The following ZNF749 variants were observed in gnomAD, a reference collection of about 807,000 sequenced individuals.
ZNF749 encodes zinc finger protein 749.
Under a neutral mutation model 7.3 loss-of-function variants are expected in ZNF749, and 8 were observed. The observed-to-expected ratio is 1.10, with a 90% CI of 0.64 to 1.98. ZNF749 has a LOEUF of 1.98. Among genes scored for constraint, ZNF749 ranks in the 30% most tolerant of loss-of-function variants. The pLI, the probability that ZNF749 is intolerant of heterozygous loss-of-function variation, is 0.00. For missense variants in ZNF749, 898 were observed against 932.4 expected (o/e 0.96, Z 0.48); for synonymous variants, 310 against 322.4 (o/e 0.96, Z 0.41).
intron 1 of ZNF749, among the ~76,000 whole-genome samples, chr19:57,437,464 G>A (rs1350599634): frequency 6.6e-6 from 1 of 152,136 alleles, no homozygotes; most frequent in Non-Finnish European, 1.5e-5. Flanking sequence ...AGTGGCTCAT[G>A]CCTGTAATCC....
In ZNF749 at chr19:57,442,020, T is replaced by C. The variant is rs755792612; in HGVS notation, c.142+9T>C. The stretch of plus-strand genomic sequence containing the variant: ...GCTTTTGTCATCAGTAGGTAAGGCC[T>C]TCATACCTACTCTGGTGTCTTGTGC... On this transcript the variant is annotated intron_variant, in intron 2 of 2. Coordinates refer to ENST00000334181, the MANE Select transcript of ZNF749 (RefSeq NM_001023561.4). This position sits in a 1 kb window ranked among gnomAD's most constrained non-coding sequence, Gnocchi z 6.6. The C allele has an allele frequency of 4.3e-6, 7 of 1,613,134 alleles. No individual in the cohort carries two copies. In the South Asian group the frequency reaches 5.5e-5, roughly 13 times the overall value.
chr19:57,438,104 C>G (rs967364361), intron 1 of ZNF749: 4 of 398,632 alleles, frequency 1.0e-5, no homozygotes, highest in African/African-American at 6.2e-5. Context: ...TGTTACAGGC[C>G]GAAAGAATGA....
upstream of ZNF749, among the ~76,000 whole-genome samples, chr19:57,430,533 A>G (rs1489979996): frequency 6.6e-6 from 1 of 152,224 alleles, no homozygotes; most frequent in African/African-American, 2.4e-5. Context: ...AAATTTCTCT[A>G]TGAACACATG....
chr19:57,430,393 A>C (rs969208981), upstream of ZNF749, among the ~76,000 whole-genome samples: 1 of 152,216 alleles, frequency 6.6e-6, no homozygotes, highest in Non-Finnish European at 1.5e-5. Flanking sequence ...GAAGCCTCTT[A>C]AAGGTTCCAC....
At chr19:57,430,521 C>T (rs953603191), upstream of ZNF749, among the ~76,000 whole-genome samples, 2 of 152,128 alleles carry the variant, frequency 1.3e-5, no homozygotes, top group African/African-American at 2.4e-5. Flanking sequence ...TGAAAGAATT[C>T]GAAATTTCTC....
chr19:57,435,103 C>T (rs1380720921), upstream of ZNF749, among the ~76,000 whole-genome samples: 1 of 152,120 alleles, frequency 6.6e-6, no homozygotes, highest in Non-Finnish European at 1.5e-5. Context: ...CTTAACGCTC[C>T]TCCAGGAGCC....
chr19:57,443,764 T>G lies in ZNF749; in HGVS notation c.616T>G (p.Cys206Gly). The change falls in exon 3 of 3, where the codon TGC becomes GGC. Residue 206 changes from cysteine to glycine, a missense_variant. By Grantham distance (159) the Cys-to-Gly change is radical. Coordinates refer to ENST00000334181, the MANE Select transcript of ZNF749 (RefSeq NM_001023561.4). ...CTCCAGCCAAGGTGGGAAAGACTTT[T>G]GCCACCAACATGGGCTGTTTGAGCA... ...FNSSQGGKDF[C>G]HQHGLFEHQK... 6.2e-7 allele frequency: 1 copy of G among 1,614,166 alleles called. No homozygotes were observed. The highest frequency in any genetic ancestry group is 1.3e-5 in the African/African-American group (1 of 75,034).
At chr19:57,443,172 C>T (rs537722236) in intron 2 of ZNF749, 119 bp from the exon 3 acceptor site, 4 of 847,142 alleles carry the variant, frequency 4.7e-6, no homozygotes, top group South Asian at 3.5e-5. Context: ...GGCCTTATTT[C>T]CTTGCCTGTG....
chr19:57,441,848 A>G (rs2088992954), intron 1 of ZNF749, 37 bp from the exon 2 acceptor site: 1 of 1,612,510 alleles, frequency 6.2e-7, no homozygotes, highest in African/African-American at 1.3e-5. Context: ...ACAGAATAAG[A>G]AGTTGTTCAT....
rs375870501 is a variant in ZNF749 at position 57,441,925 on chromosome 19, A to G, written c.56A>G (p.Gln19Arg). The G allele has an allele frequency of 2.5e-6, 4 of 1,614,162 alleles. No homozygotes were observed. Among genetic ancestry groups the G allele is most frequent in the East Asian group, 2.2e-5 (1 of 44,878 alleles). Reference protein sequence around the residue: ...VFEDVAIYFSQEEWGILNDAQ... With the variant: ...VFEDVAIYFSREEWGILNDAQ... ...GAGGATGTGGCCATATATTTCTCCCAAGAGGAATGGGGGATCCTTAATGAT... is the reference window on the plus strand; with the variant it reads ...GAGGATGTGGCCATATATTTCTCCCGAGAGGAATGGGGGATCCTTAATGAT... The change falls in exon 2 of 3, where the codon CAA becomes CGA. Residue 19 changes from glutamine to arginine, a missense_variant. Physicochemically the swap from Gln to Arg is conservative, Grantham distance 43. Transcript: ENST00000334181.
rs2089026363 is a variant in ZNF749 at position 57,444,064 on chromosome 19, G to T, written c.916G>T (p.Ala306Ser). 1.2e-6 allele frequency: 2 copies of T among 1,613,834 alleles called. No individual in the cohort carries two copies. Among genetic ancestry groups the T allele is most frequent in the Non-Finnish European group, 1.7e-6 (2 of 1,179,900 alleles). Reference protein sequence around the residue: ...TPYECTQCGKAFLTQAHLVGH... With the variant: ...TPYECTQCGKSFLTQAHLVGH... Reference sequence around the variant, plus strand: ...TTATGAATGCACCCAGTGTGGGAAGGCCTTTCTTACACAGGCTCATCTGGT... The same window carrying T: ...TTATGAATGCACCCAGTGTGGGAAGTCCTTTCTTACACAGGCTCATCTGGT... Residue 306 changes from alanine to serine, a missense_variant, in exon 3 of 3, where the codon GCC (alanine) becomes TCC (serine). Physicochemically the swap from Ala to Ser is moderately conservative, Grantham distance 99. Coordinates refer to ENST00000334181, the MANE Select transcript of ZNF749 (RefSeq NM_001023561.4).
Position 57,445,606 on chromosome 19 carries a change from T to C in ZNF749, c.*121T>C. On this transcript the variant is annotated 3_prime_UTR_variant, in exon 3 of 3. Coordinates refer to ENST00000334181, the MANE Select transcript of ZNF749 (RefSeq NM_001023561.4). ...TGTTGAAAGAGTTCAGATGGAAATC[T>C]GCGAGGATTTCCTGCTGGGAACTAC... The C allele has an allele frequency of 6.9e-7, 1 of 1,445,338 alleles. No individual in the cohort carries two copies. Among genetic ancestry groups the C allele is most frequent in the Non-Finnish European group, 9.2e-7 (1 of 1,086,618 alleles). The allele number at this position is 1,445,338 out of a possible 1,614,324, so 89.5% of individuals were successfully genotyped here. A position where few individuals can be genotyped will look rare whatever the true frequency, so the allele number is the denominator to read the frequency against.
chr19:57,444,679 T>C lies in ZNF749; in HGVS notation c.1531T>C (p.Tyr511His). The change falls in exon 3 of 3, where the codon TAT becomes CAT. Residue 511 changes from tyrosine to histidine, a missense_variant. Physicochemically the swap from Tyr to His is moderately conservative, Grantham distance 83. Coordinates refer to ENST00000334181, the MANE Select transcript of ZNF749 (RefSeq NM_001023561.4). The stretch of plus-strand genomic sequence containing the variant: ...GAAAATCCATACTGGAGAACGGCCT[T>C]ATGAATGCACTCAATGTGCGAAGGC... Reference protein sequence around the residue: ...HQKIHTGERPYECTQCAKAFV... With the variant: ...HQKIHTGERPHECTQCAKAFV... The C allele has an allele frequency of 1.9e-6, 3 of 1,613,388 alleles. No homozygotes were observed. The highest frequency in any genetic ancestry group is 2.5e-6 in the Non-Finnish European group (3 of 1,179,898).
Position 57,441,887 on chromosome 19 carries a change from T to C in ZNF749, c.18T>C (p.Asp6=). MNLTE[D]CMVFEDVAIY... ...CTGAAGTGTCATAATTTTGGCAGGA[T>C]TGTATGGTCTTTGAGGATGTGGCCA... The change falls in exon 2 of 3, where the codon GAT becomes GAC. Residue 6 remains aspartate (D), a splice_region_variant and synonymous_variant. Coordinates refer to ENST00000334181, the MANE Select transcript of ZNF749 (RefSeq NM_001023561.4). 1.2e-6 allele frequency: 2 copies of C among 1,614,068 alleles called. No individual in the cohort carries two copies. Among genetic ancestry groups the C allele is most frequent in the East Asian group, 2.2e-5 (1 of 44,880 alleles).
At position 57,442,112 on chromosome 19, in the gene ZNF749, C is replaced by T. The variant is rs553037044; in HGVS notation, c.142+101C>T. ...TTCCCACACCAGATTGTGAGTGCTA[C>T]GTCCTGTCCTCTCCTGGTTTCCTGG... On this transcript the variant is annotated intron_variant, in intron 2 of 2. Coordinates refer to ENST00000334181, the MANE Select transcript of ZNF749 (RefSeq NM_001023561.4). The surrounding 1 kb of genome is among the most constrained non-coding windows in gnomAD (Gnocchi z 6.6). The T allele has an allele frequency of 1.2e-3, 1,709 of 1,466,440 alleles. 2 individuals carry two copies. Among genetic ancestry groups the T allele is most frequent in the Non-Finnish European group, 1.5e-3 (1,599 of 1,078,966 alleles). The allele number at this position is 1,466,440 out of a possible 1,614,324, so 90.8% of individuals were successfully genotyped here. A position where few individuals can be genotyped will look rare whatever the true frequency, so the allele number is the denominator to read the frequency against.
rs1482842504 is a variant in ZNF749, at chr19:57,446,930, A to G, written c.*1445A>G. ...ATGGTAAAAACTTTATAGGGCACTA[A>G]CATGAACGAAGCTTGCGGGACCCCT... On this transcript the variant is annotated 3_prime_UTR_variant, in exon 3 of 3. Coordinates refer to ENST00000334181, the MANE Select transcript of ZNF749 (RefSeq NM_001023561.4). Among the ~76,000 whole-genome samples the G allele has an allele frequency of 1.4e-4, 21 of 152,226 alleles. No individual in the cohort carries two copies. The highest frequency in any genetic ancestry group is 1.4e-3 in the Admixed American group (21 of 15,282).
upstream of ZNF749, among the ~76,000 whole-genome samples, chr19:57,431,589 A>C (rs556856422): frequency 5.3e-5 from 8 of 152,232 alleles, no homozygotes; most frequent in Non-Finnish European, 1.0e-4. Context: ...AGAACACGAC[A>C]ATCTTCACAC....
Position 57,446,490 on chromosome 19 carries a change from A to T in ZNF749, c.*1005A>T, listed in dbSNP as rs1368791234. Among the ~76,000 whole-genome samples the T allele has an allele frequency of 6.6e-6, 1 of 152,180 alleles. No homozygotes were observed. Among genetic ancestry groups the T allele is most frequent in the Non-Finnish European group, 1.5e-5 (1 of 68,038 alleles). On this transcript the variant is annotated 3_prime_UTR_variant, in exon 3 of 3. Coordinates refer to ENST00000334181, the MANE Select transcript of ZNF749 (RefSeq NM_001023561.4). The stretch of plus-strand genomic sequence containing the variant: ...TACTACTGTATGAATTTTACTATAA[A>T]TATCTCATATGAGGAAACTTAAGTT...
intron 2 of ZNF749, 113 bp from the exon 3 acceptor site, chr19:57,443,178 C>A: frequency 1.1e-6 from 1 of 910,400 alleles, no homozygotes; most frequent in Non-Finnish European, 1.7e-6. Flanking sequence ...ATTTCCTTGC[C>A]TGTGACCAGT....
Sources: gnomAD v4.1 joint callset for allele counts (sites outside exome capture counted in the v4.1 genomes callset) on GRCh38, gnomAD v4.1.1 for gene constraint, Gnocchi (gnomAD v3.1) non-coding constraint, MANE v1.5 for transcripts, NCBI Gene and HGNC (gene_info 2026-07-23, HGNC 2026-07-21) for gene names.